Variants in CBLB observed in about 807,000 individuals in gnomAD.
CBLB encodes E3 ubiquitin-protein ligase CBL-B.
Under a neutral mutation model 104.9 loss-of-function variants are expected in CBLB, and 31 were observed. The observed-to-expected ratio is 0.30, with a 90% CI of 0.22 to 0.40. CBLB has a LOEUF of 0.40. Among genes scored for constraint, CBLB ranks in the 10% least tolerant of loss-of-function variants. The pLI is 1.00. For synonymous variants in CBLB, 440 were observed against 422.6 expected (o/e 1.04, Z -0.51); for missense variants, 1,062 against 1,214.6 (o/e 0.87, Z 1.87).
At chr3:105,718,373 C>T (rs1050234817) in intron 10 of CBLB, among the ~76,000 whole-genome samples, 1 of 152,096 alleles carries the variant, frequency 6.6e-6, no homozygotes, top group African/African-American at 2.4e-5. Context: ...GTTAACATAT[C>T]TTCCTATGTA....
At chr3:105,743,287 G>A (rs561119750) in intron 6 of CBLB, among the ~76,000 whole-genome samples, 3 of 151,678 alleles carry the variant, frequency 2.0e-5, no homozygotes, top group South Asian at 2.1e-4. Flanking sequence ...GCGAAAACCC[G>A]TCTCCACTAA....
At chr3:105,804,565 T>C (rs1577346757) in intron 3 of CBLB, among the ~76,000 whole-genome samples, 1 of 152,060 alleles carries the variant, frequency 6.6e-6, no homozygotes. Context: ...TTTGTTATAA[T>C]GAATACATCC....
intron 3 of CBLB, among the ~76,000 whole-genome samples, chr3:105,817,079 T>A (rs1413305337): frequency 6.6e-6 from 1 of 151,956 alleles, no homozygotes; most frequent in African/African-American, 2.4e-5. Flanking sequence ...TATGAAGGCA[T>A]GAAAATGAGA....
rs1353935384 is a variant in CBLB, at chr3:105,704,001, G to A, written c.1580C>T (p.Thr527Met). Residue 527 changes from threonine to methionine, a missense_variant, in exon 11 of 19, where the codon ACG becomes ATG. Around this residue, in one of 2 missense-constraint regions of CBLB, gnomAD observed 605 missense variants for 582.6 expected, o/e 1.04. Transcript: ENST00000394030. ...GIVRSPCGSP[T>M]GSPKSSPCMV... Reference sequence around the variant, plus strand: ...AAATTGATCTACCTTTGGTGAACCCGTTGGGCTGCCACAGGGAGATCTAAC... The same window carrying A: ...AAATTGATCTACCTTTGGTGAACCCATTGGGCTGCCACAGGGAGATCTAAC... The A allele has an allele frequency of 1.2e-6, 2 of 1,614,036 alleles. No individual in the cohort carries two copies. The highest frequency in any genetic ancestry group is 2.2e-5 in the East Asian group (1 of 44,876).
At position 105,779,173 on chromosome 3, in the gene CBLB, T is replaced by C. The variant is rs142160640; in HGVS notation, c.420-2631A>G. Among the ~76,000 whole-genome samples the C allele has an allele frequency of 9.2e-5, 14 of 152,360 alleles. 1 individual carries two copies. The East Asian group carries it at 2.7e-3, about 29-fold the overall frequency. ...TCCAATTTATTTTTTTAATTTTTAC[T>C]TGTTAGATCTAAAGTCTGAAACACA... is the stretch of plus-strand genomic sequence containing the variant. On this transcript the variant is annotated intron_variant, in intron 3 of 18. Coordinates refer to ENST00000394030, the MANE Select transcript of CBLB (RefSeq NM_170662.5).
At chr3:105,659,303 T>C (rs775082729) in intron 18 of CBLB, 74 bp from the exon 19 acceptor site, 2 of 1,349,868 alleles carry the variant, frequency 1.5e-6, no homozygotes, top group East Asian at 2.3e-5. Flanking sequence ...ATAACAGCAT[T>C]ATCTCATTTC....
chr3:105,782,010 C>G (rs2080317820), intron 3 of CBLB, among the ~76,000 whole-genome samples: 1 of 152,138 alleles, frequency 6.6e-6, no homozygotes, highest in Non-Finnish European at 1.5e-5. Flanking sequence ...TACTGCCCTC[C>G]AAAATGGGTT....
intron 9 of CBLB, 42 bp downstream of exon 9, chr3:105,733,967 T>C: frequency 1.3e-6 from 2 of 1,582,154 alleles, no homozygotes; most frequent in South Asian, 1.1e-5. Context: ...GAAATATTAG[T>C]AGGACATATA....
chr3:105,741,095 GTTTTT>G lies in CBLB; in HGVS notation c.846-469_846-465del, dbSNP rs66493673. 7.8e-3 allele frequency among the ~76,000 whole-genome samples: 839 copies of G among 108,156 alleles called. 7 individuals carry two copies. The highest frequency in any genetic ancestry group is 0.023 in the African/African-American group (667 of 28,828). 71.0% of individuals were successfully genotyped at this position (108,156 alleles called of 152,430 possible). On this transcript the variant is annotated intron_variant, in intron 6 of 18. Transcript: ENST00000394030. ...TTGTAATTTAGACATAAAAATTAGG[GTTTTT>G]TTTTTTTTTTTTTTTTTGAGACGGA...
chr3:105,678,952 T>G (rs1409246337), intron 16 of CBLB, among the ~76,000 whole-genome samples: 1 of 152,212 alleles, frequency 6.6e-6, no homozygotes, highest in Admixed American at 6.5e-5. Flanking sequence ...CAGGATTTTC[T>G]GTGTAGCAAA....
chr3:105,667,895 G>A (rs893945775), intron 18 of CBLB, among the ~76,000 whole-genome samples: 8 of 152,070 alleles, frequency 5.3e-5, no homozygotes, highest in African/African-American at 1.9e-4. Context: ...ATTAATTACT[G>A]CAAAATAAGA....
intron 3 of CBLB, among the ~76,000 whole-genome samples, chr3:105,788,354 T>TA (rs966922828): frequency 2.7e-4 from 39 of 146,176 alleles, no homozygotes; most frequent in African/African-American, 5.0e-4. Flanking sequence ...AGCTCTAAAG[T>TA]AAAAAAAAAA....
intron 4 of CBLB, among the ~76,000 whole-genome samples, chr3:105,772,241 A>G (rs1822348): frequency 0.99 from 150,254 of 152,248 alleles, 74,177 homozygotes; most frequent in East Asian, 1. Context: ...ACTGATCTTC[A>G]ACAAAGCATA....
chr3:105,675,041 G>C (rs905321529), intron 17 of CBLB, among the ~76,000 whole-genome samples: 1 of 152,210 alleles, frequency 6.6e-6, no homozygotes, highest in Non-Finnish European at 1.5e-5. Context: ...TGGCCCAACT[G>C]TGCAGGGCAC....
intron 16 of CBLB, among the ~76,000 whole-genome samples, chr3:105,680,240 TAAGTA>T (rs947067556): frequency 4.6e-5 from 7 of 152,116 alleles, no homozygotes; most frequent in African/African-American, 1.7e-4. Context: ...CAGGATCGTC[TAAGTA>T]GAGTAAACAG....
chr3:105,655,992 C>T lies in CBLB; in HGVS notation c.*2978G>A, dbSNP rs1369091305. The T allele has an allele frequency of 4.4e-6, 1 of 228,428 alleles. No individual in the cohort carries two copies. Among genetic ancestry groups the T allele is most frequent in the Admixed American group, 5.7e-5 (1 of 17,618 alleles). The allele number at this position is 228,428 out of a possible 1,614,324, so 14.2% of individuals were successfully genotyped here. On this transcript the variant is annotated 3_prime_UTR_variant, in exon 19 of 19. Coordinates refer to ENST00000394030, the MANE Select transcript of CBLB (RefSeq NM_170662.5). Reference sequence around the variant, plus strand: ...TGCAGTGAGGGTTCTATTATGAAGACTATTTGCAATGTGGGCAAAAGGGAA... The same window carrying T: ...TGCAGTGAGGGTTCTATTATGAAGATTATTTGCAATGTGGGCAAAAGGGAA...
chr3:105,849,443 A>C (rs1452092526), intron 3 of CBLB, among the ~76,000 whole-genome samples: 1 of 152,064 alleles, frequency 6.6e-6, no homozygotes, highest in Non-Finnish European at 1.5e-5. Context: ...CTTAAAATGC[A>C]GGCAAGAATA....
chr3:105,839,969 T>C (rs1480145881), intron 3 of CBLB, among the ~76,000 whole-genome samples: 1 of 152,216 alleles, frequency 6.6e-6, no homozygotes, highest in Non-Finnish European at 1.5e-5. Context: ...AAACCTATTT[T>C]AATCAGGTAA....
chr3:105,798,207 T>C (rs1010297072), intron 3 of CBLB, among the ~76,000 whole-genome samples: 3 of 152,226 alleles, frequency 2.0e-5, no homozygotes, highest in African/African-American at 4.8e-5. Flanking sequence ...TCCTAGTTAA[T>C]TCCTTTTCTA....
Sources: gnomAD v4.1 joint callset for allele counts (sites outside exome capture counted in the v4.1 genomes callset) on GRCh38, gnomAD v4.1.1 for gene constraint, gnomAD v4.1.1 regional missense constraint, MANE v1.5 for transcripts, NCBI Gene and HGNC (gene_info 2026-07-23, HGNC 2026-07-21) for gene names.